Variants in RAD51AP2 observed in about 807,000 individuals in gnomAD.
RAD51AP2 encodes the protein RAD51 associated protein 2, also known as RAD51-associated protein 2.
In RAD51AP2, 67 loss-of-function variants were observed where a neutral mutation model predicts 85.5. That is an observed-to-expected ratio of 0.78 (90% CI 0.64 to 0.96). The LOEUF is 0.96. Among genes scored for constraint, RAD51AP2 ranks in the 40% least tolerant of loss-of-function variants. The probability of loss-of-function intolerance (pLI) is 0.00; values close to 1 mark genes in which losing one functional copy is unlikely to be tolerated. For synonymous variants in RAD51AP2, 474 were observed against 446.5 expected (o/e 1.06, Z -0.78); for missense variants, 1,307 against 1,332.4 (o/e 0.98, Z 0.30).
rs369453666 is a variant in RAD51AP2 at position 17,515,720 on chromosome 2, G to A, written c.2696C>T (p.Thr899Ile). The A allele has an allele frequency of 5.4e-5, 86 of 1,598,584 alleles. No individual in the cohort carries two copies. In the African/African-American group the frequency reaches 9.8e-4, roughly 18 times the overall value. ...TGGCAAAATACTCTCATATTCATTT[G>A]TATTTGTTACATAATTTTGATTAAC... is the stretch of plus-strand genomic sequence containing the variant. ...KYVNQNYVTN[T>I]NEYESILPER... Residue 899 changes from threonine (T) to isoleucine (I), a missense_variant, in exon 1 of 3, where the codon ACA (threonine) becomes ATA (isoleucine). Thr to Ile is a moderately conservative substitution (Grantham distance 89, BLOSUM62 -1). This residue lies in a region of RAD51AP2 where 668 missense variants were observed against 671.0 expected (regional missense o/e 1.00). Coordinates refer to ENST00000399080, the MANE Select transcript of RAD51AP2 (RefSeq NM_001099218.3).
upstream of RAD51AP2, among the ~76,000 whole-genome samples, chr2:17,519,052 ATG>A (rs995979847): frequency 1.3e-5 from 2 of 152,170 alleles, no homozygotes; most frequent in African/African-American, 4.8e-5. Context: ...TGAGGAAAAA[ATG>A]TGTGGAAATT....
chr2:17,527,369 G>A, the RAD51AP2 span, among the ~76,000 whole-genome samples: 1 of 151,836 alleles, frequency 6.6e-6, no homozygotes, highest in East Asian at 1.9e-4. Context: ...CCAAAGCTAA[G>A]GAAAGGTGGA....
At chr2:17,524,864 T>C in the RAD51AP2 span, among the ~76,000 whole-genome samples, 2 of 151,928 alleles carry the variant, frequency 1.3e-5, no homozygotes, top group South Asian at 4.1e-4. Flanking sequence ...ATAAATTCTA[T>C]ACAAAATAGG....
chr2:17,514,534 GGC>G (rs1662588264), intron 1 of RAD51AP2, among the ~76,000 whole-genome samples: 1 of 105,908 alleles, frequency 9.4e-6, no homozygotes, highest in African/African-American at 2.7e-5. Context: ...GGCCGAGGGC[GGC>G]GGGGGGGGTG....
At position 17,517,881 on chromosome 2, in the gene RAD51AP2, A is replaced by G. The variant is rs1662742121; in HGVS notation, c.535T>C (p.Phe179Leu). ...GIRNENRKQQ[F>L]VQGRDNVHKE... The stretch of plus-strand genomic sequence containing the variant: ...TGAACATTGTCTCTTCCTTGGACAA[A>G]CTGTTGTTTTCGATTCTCATTTCTA... The change falls in exon 1 of 3, where the codon TTT becomes CTT. Residue 179 changes from phenylalanine to leucine, a missense_variant. Phe to Leu is a conservative substitution (Grantham distance 22, BLOSUM62 0). This residue lies in a region of RAD51AP2 where 635 missense variants were observed against 643.6 expected (regional missense o/e 0.99). Transcript: ENST00000399080. 1.2e-6 allele frequency: 2 copies of G among 1,614,166 alleles called. No individual in the cohort carries two copies. The highest frequency in any genetic ancestry group is 1.7e-5 in the Admixed American group (1 of 60,028).
chr2:17,510,810 ATTTTC>A lies in RAD51AP2; in HGVS notation c.3469_3473del (p.Glu1157PhefsTer43). The stretch of plus-strand genomic sequence containing the variant: ...ATGTTTTGAAATATGAAAGTCAAAA[ATTTTC>A]TTTTAAGTTTCCGTAACACATTTGT... On this transcript the variant is annotated frameshift_variant, in exon 3 of 3. Transcript: ENST00000399080. LOFTEE classifies it high-confidence loss of function. 1 of 1,560,786 alleles carries A rather than the reference ATTTTC, an allele frequency of 6.4e-7. No homozygotes were observed. The highest frequency in any genetic ancestry group is 8.7e-7 in the Non-Finnish European group (1 of 1,151,094).
chr2:17,517,913 T>G lies in RAD51AP2; in HGVS notation c.503A>C (p.His168Pro). 6.2e-7 allele frequency: 1 copy of G among 1,614,180 alleles called. No homozygotes were observed. Among genetic ancestry groups the G allele is most frequent in the East Asian group, 2.2e-5 (1 of 44,882 alleles). The change falls in exon 1 of 3, where the codon CAT becomes CCT. Residue 168 changes from histidine to proline, a missense_variant. This residue lies in a region of RAD51AP2 where 635 missense variants were observed against 643.6 expected (regional missense o/e 0.99). Transcript: ENST00000399080. ...LLPSTSIHDIHGIRNENRKQQ... is the reference protein window; with the variant it reads ...LLPSTSIHDIPGIRNENRKQQ... ...TTTTCGATTCTCATTTCTAATTCCA[T>G]GTATATCGTGTATAGAGGTGCTGGG...
In RAD51AP2 at chr2:17,515,799, C is replaced by G. The variant is rs369886305; in HGVS notation, c.2617G>C (p.Val873Leu). Reference sequence around the variant, plus strand: ...TTACTTATTAATGAAACTGACTGTACAGAAAACATGTCATCCATTGGAAAA... The same window carrying G: ...TTACTTATTAATGAAACTGACTGTAGAGAAAACATGTCATCCATTGGAAAA... ...SFFPMDDMFS[V>L]QSVSLISKEV... The change falls in exon 1 of 3, where the codon GTA becomes CTA. Residue 873 changes from valine (V) to leucine (L), a missense_variant. Around this residue, in one of 3 missense-constraint regions of RAD51AP2, gnomAD observed 668 missense variants for 671.0 expected, o/e 1.00. Coordinates refer to ENST00000399080, the MANE Select transcript of RAD51AP2 (RefSeq NM_001099218.3). The G allele has an allele frequency of 6.9e-6, 11 of 1,604,352 alleles. No individual in the cohort carries two copies. Among genetic ancestry groups the G allele is most frequent in the Non-Finnish European group, 9.4e-6 (11 of 1,173,608 alleles).
At chr2:17,533,964 TG>T in the RAD51AP2 span, among the ~76,000 whole-genome samples, 1 of 152,186 alleles carries the variant, frequency 6.6e-6, no homozygotes, top group Non-Finnish European at 1.5e-5. Context: ...CAGTCTGAAA[TG>T]ACACAGTAAA....
upstream of RAD51AP2, among the ~76,000 whole-genome samples, chr2:17,521,000 C>T (rs1235525714): frequency 6.6e-6 from 1 of 152,062 alleles, no homozygotes; most frequent in African/African-American, 2.4e-5. Flanking sequence ...TTATTTCTAA[C>T]TGTAGAACAC....
chr2:17,520,768 TA>T (rs60483379), upstream of RAD51AP2, among the ~76,000 whole-genome samples: 29 of 150,814 alleles, frequency 1.9e-4, no homozygotes, highest in African/African-American at 6.8e-4. Context: ...TTTTTTTTTT[TA>T]AACAATTTGC....
the RAD51AP2 span, among the ~76,000 whole-genome samples, chr2:17,531,946 T>C: frequency 6.6e-6 from 1 of 152,136 alleles, no homozygotes; most frequent in Non-Finnish European, 1.5e-5. Flanking sequence ...GGAACTTAAG[T>C]AATTTGCCCA....
the RAD51AP2 span, among the ~76,000 whole-genome samples, chr2:17,525,323 A>G: frequency 6.6e-6 from 1 of 152,012 alleles, no homozygotes; most frequent in Non-Finnish European, 1.5e-5. Context: ...AATTAATGAA[A>G]GAAAATGTGA....
chr2:17,531,250 T>A, the RAD51AP2 span, among the ~76,000 whole-genome samples: 1 of 152,196 alleles, frequency 6.6e-6, no homozygotes, highest in Non-Finnish European at 1.5e-5. Context: ...ATATGGCCAT[T>A]TACCAACAAA....
Position 17,517,425 on chromosome 2 carries a change from A to T in RAD51AP2, c.991T>A (p.Tyr331Asn). Reference protein sequence around the residue: ...NIFSKCYENDYPSLSSQNTCK... With the variant: ...NIFSKCYENDNPSLSSQNTCK... ...GTATTTTGGCTACTGAGTGATGGGT[A>T]GTCATTTTCATAACATTTGGAAAAA... The change falls in exon 1 of 3, where the codon TAC becomes AAC. Residue 331 changes from tyrosine (Y) to asparagine (N), a missense_variant. Physicochemically the swap from Tyr to Asn is moderately radical, Grantham distance 143 (BLOSUM62 -2). Coordinates refer to ENST00000399080, the MANE Select transcript of RAD51AP2 (RefSeq NM_001099218.3). The T allele has an allele frequency of 6.2e-7, 1 of 1,613,712 alleles. No individual in the cohort carries two copies. Among genetic ancestry groups the T allele is most frequent in the Non-Finnish European group, 8.5e-7 (1 of 1,179,894 alleles).
chr2:17,513,069 T>G (rs901348220), intron 2 of RAD51AP2, among the ~76,000 whole-genome samples: 1 of 152,138 alleles, frequency 6.6e-6, no homozygotes, highest in East Asian at 1.9e-4. Context: ...CAGAAATTTC[T>G]GACCGGATTA....
At chr2:17,513,953 AAATACCATAATGCAAT>A in intron 2 of RAD51AP2, 43 bp downstream of exon 2, 1 of 921,790 alleles carries the variant, frequency 1.1e-6, no homozygotes, top group Non-Finnish European at 1.7e-6. Flanking sequence ...CTCATACTAA[AAATACCATAATGCAAT>A]AATCATCTTA....
chr2:17,512,691 T>A (rs1392082046), intron 2 of RAD51AP2, among the ~76,000 whole-genome samples: 1 of 152,186 alleles, frequency 6.6e-6, no homozygotes, highest in Non-Finnish European at 1.5e-5. Flanking sequence ...CTAAGCCAAT[T>A]TCTTCCTTTC....
Position 17,517,325 on chromosome 2 carries a change from C to G in RAD51AP2, c.1091G>C (p.Arg364Thr). The stretch of plus-strand genomic sequence containing the variant: ...ATTTTCTAGTATAGCGAAATTCTTT[C>G]TAGAGTCTCTTACATTACACTGGAT... ...SSIQCNVRDSRKNFAILENAN... is the reference protein window; with the variant it reads ...SSIQCNVRDSTKNFAILENAN... The change falls in exon 1 of 3, where the codon AGA (arginine) becomes ACA (threonine). Residue 364 changes from arginine to threonine, a missense_variant. Physicochemically the swap from Arg to Thr is moderately conservative, Grantham distance 71. Transcript: ENST00000399080. 1.9e-6 allele frequency: 3 copies of G among 1,613,970 alleles called. No individual in the cohort carries two copies. The highest frequency in any genetic ancestry group is 1.7e-6 in the Non-Finnish European group (2 of 1,179,942).
Sources: gnomAD v4.1 joint callset for allele counts (sites outside exome capture counted in the v4.1 genomes callset) on GRCh38, gnomAD v4.1.1 for gene constraint, gnomAD v4.1.1 regional missense constraint, MANE v1.5 for transcripts, NCBI Gene and HGNC (gene_info 2026-07-23, HGNC 2026-07-21) for gene names.